ADAM28: variants seen among roughly 807,000 people sequenced by gnomAD.
ADAM28 encodes disintegrin and metalloproteinase domain-containing protein 28.
A neutral mutation model predicts 101.2 loss-of-function variants in ADAM28; 105 were observed. The ratio of observed to expected loss-of-function variants is 1.04; its 90% CI spans 0.89 to 1.22. The LOEUF (loss-of-function observed/expected upper bound fraction) is 1.22. ADAM28 is among the 50% of genes most tolerant of loss of function. The probability of loss-of-function intolerance (pLI) is 0.00; values close to 1 mark genes in which losing one functional copy is unlikely to be tolerated. For missense variants in ADAM28, 1,028 were observed against 945.4 expected (o/e 1.09, Z -1.15); for synonymous variants, 322 against 310.6 (o/e 1.04, Z -0.39).
intron 19 of ADAM28, 105 bp downstream of exon 19, chr8:24,350,077 T>TAATA (rs1815895960): frequency 1.0e-6 from 1 of 999,584 alleles, no homozygotes; most frequent in African/African-American, 1.6e-5. Context: ...GGTTTACTTC[T>TAATA]AATATTCAGA....
chr8:24,354,539 G>T lies in ADAM28; in HGVS notation c.*135G>T. 9.0e-7 allele frequency: 1 copy of T among 1,108,514 alleles called. No individual in the cohort carries two copies. The highest frequency in any genetic ancestry group is 1.6e-5 in the African/African-American group (1 of 61,198). The allele number at this position is 1,108,514 out of a possible 1,614,324, so 68.7% of individuals were successfully genotyped here. On this transcript the variant is annotated 3_prime_UTR_variant, in exon 23 of 23. Transcript: ENST00000265769. ...AGAAGGTTAACATTTTCTGATTCAT[G>T]TTAGACTTTGAAGAGACTAAAGAAA...
intron 1 of ADAM28, among the ~76,000 whole-genome samples, chr8:24,295,252 G>A (rs1316260599): frequency 6.6e-6 from 1 of 151,954 alleles, no homozygotes; most frequent in African/African-American, 2.4e-5. Flanking sequence ...TATATAATAT[G>A]TACCTATATC....
chr8:24,323,854 T>G lies in ADAM28; in HGVS notation c.741T>G (p.Thr247=). 6.2e-7 allele frequency: 1 copy of G among 1,611,600 alleles called. No individual in the cohort carries two copies. The highest frequency in any genetic ancestry group is 1.1e-5 in the South Asian group (1 of 90,960). ...YVNMLYKKLN[T]HVALVGMEIW... is the part of the protein sequence containing the mutation. ...GACAGCTTTATAAAAAGCTCAATAC[T>G]CATGTGGCCTTAGTTGGTATGGAAA... The change falls in exon 9 of 23, where the codon ACT becomes ACG. Residue 247 remains threonine (T), a synonymous_variant. Transcript: ENST00000265769.
At chr8:24,300,325 C>A (rs866817542) in intron 2 of ADAM28, among the ~76,000 whole-genome samples, 1 of 152,140 alleles carries the variant, frequency 6.6e-6, no homozygotes, top group Non-Finnish European at 1.5e-5. Flanking sequence ...TTCACTATAA[C>A]CCAAAGTTAT....
At chr8:24,324,934 G>A (rs1305145439) in intron 9 of ADAM28, 1 of 151,898 alleles carries the variant, frequency 6.6e-6, no homozygotes. Flanking sequence ...AAGTCACAGG[G>A]TGTCACTACT....
intron 6 of ADAM28, among the ~76,000 whole-genome samples, chr8:24,314,650 A>G (rs1810912554): frequency 6.6e-6 from 1 of 152,032 alleles, no homozygotes; most frequent in African/African-American, 2.4e-5. Context: ...TGTATAGTCA[A>G]ACCCAGAATA....
intron 6 of ADAM28, among the ~76,000 whole-genome samples, chr8:24,319,640 T>A (rs1241717729): frequency 6.6e-6 from 1 of 151,940 alleles, no homozygotes; most frequent in East Asian, 1.9e-4. Context: ...GAATAATCTG[T>A]TGGTCCCTTT....
chr8:24,308,552 C>T (rs1810012344), intron 2 of ADAM28: 1 of 450,486 alleles, frequency 2.2e-6, no homozygotes, highest in Non-Finnish European at 4.5e-6. Flanking sequence ...CTCATGGCTT[C>T]ATTCTAGCTA....
At position 24,356,122 on chromosome 8, in the gene ADAM28, T is replaced by G. The variant is rs1044413781; in HGVS notation, c.*1718T>G. 16 of 152,200 alleles carry G rather than the reference T, an allele frequency of 1.1e-4. No individual in the cohort carries two copies. Among genetic ancestry groups the G allele is most frequent in the African/African-American group, 3.9e-4 (16 of 41,458 alleles). The allele number at this position is 152,200 out of a possible 1,614,324, so 9.4% of individuals were successfully genotyped here. ...AATCACTGTCAAGGATACAGGCTTT[T>G]TCTCCATGTGGCATTTGCAGAAGAA... On this transcript the variant is annotated 3_prime_UTR_variant, in exon 23 of 23. Coordinates refer to ENST00000265769, the MANE Select transcript of ADAM28 (RefSeq NM_014265.6).
rs1469735518 is a variant in ADAM28, at chr8:24,358,569, G to A, written c.*4165G>A. 6.6e-6 allele frequency: 1 copy of A among 152,160 alleles called. No individual in the cohort carries two copies. Among genetic ancestry groups the A allele is most frequent in the African/African-American group, 2.4e-5 (1 of 41,432 alleles). The allele number at this position is 152,160 out of a possible 1,614,324, so 9.4% of individuals were successfully genotyped here. On this transcript the variant is annotated 3_prime_UTR_variant, in exon 23 of 23. Coordinates refer to ENST00000265769, the MANE Select transcript of ADAM28 (RefSeq NM_014265.6). The stretch of plus-strand genomic sequence containing the variant: ...CACCTCTAACAAAATCTGTAGCCAC[G>A]TTGGCACATCTGCCCTTGAATTCAC...
Position 24,357,087 on chromosome 8 carries a change from A to C in ADAM28, c.*2683A>C, listed in dbSNP as rs1450536898. 6.6e-6 allele frequency: 1 copy of C among 151,262 alleles called. No homozygotes were observed. The highest frequency in any genetic ancestry group is 2.4e-5 in the African/African-American group (1 of 41,120). 9.4% of individuals were successfully genotyped at this position (151,262 alleles called of 1,614,324 possible). ...GAGCCCCTGAGTTCAACGACCCTCAAATGAAGTGAAGTCTACCAATAACCA... is the reference window on the plus strand; with the variant it reads ...GAGCCCCTGAGTTCAACGACCCTCACATGAAGTGAAGTCTACCAATAACCA... On this transcript the variant is annotated 3_prime_UTR_variant, in exon 23 of 23. Transcript: ENST00000265769.
chr8:24,323,839 TA>T lies in ADAM28; in HGVS notation c.731del (p.Lys244SerfsTer8). On this transcript the variant is annotated frameshift_variant, in exon 9 of 23. Transcript: ENST00000265769. LOFTEE classifies it high-confidence loss of function. ...CATTTATTTTCTTTGGACAGCTTTA[TA>T]AAAAGCTCAATACTCATGTGGCCTT... ...EMANYVNMLY[K>X]KLNTHVALVG... 6.2e-7 allele frequency: 1 copy of T among 1,607,696 alleles called. No individual in the cohort carries two copies. The highest frequency in any genetic ancestry group is 8.5e-7 in the Non-Finnish European group (1 of 1,176,738).
At chr8:24,325,883 A>AAAAAAAAAAAAAAAAAC (rs1812508424) in intron 9 of ADAM28, among the ~76,000 whole-genome samples, 2 of 114,672 alleles carry the variant, frequency 1.7e-5, no homozygotes, top group Non-Finnish European at 4.0e-5. Context: ...AAAAAAAAAA[A>AAAAAAAAAAAAAAAAAC]AAAAAAAAAA....
chr8:24,310,204 C>T lies in ADAM28; in HGVS notation c.269C>T (p.Ser90Phe). Residue 90 changes from serine (S) to phenylalanine (F), a missense_variant, in exon 4 of 23, where the codon TCC (serine) becomes TTC (phenylalanine). Transcript: ENST00000265769. ...APGYTETYYN[S>F]TGKEITTSPQ... ...GGCTACACGGAAACATATTATAATT[C>T]CACTGGAAAGGAGATCACCACAAGC... is the stretch of plus-strand genomic sequence containing the variant. The T allele has an allele frequency of 6.2e-7, 1 of 1,613,394 alleles. No individual in the cohort carries two copies. Among genetic ancestry groups the T allele is most frequent in the Non-Finnish European group, 8.5e-7 (1 of 1,179,614 alleles).
chr8:24,320,253 G>A lies in ADAM28; in HGVS notation c.594G>A (p.Lys198=), dbSNP rs766844215. Residue 198 remains lysine (K), a synonymous_variant, in exon 7 of 23, where the codon AAG becomes AAA. Transcript: ENST00000265769. The stretch of plus-strand genomic sequence containing the variant: ...TATTTCAGAAATTGAAAGACAGGAA[G>A]GTTCAGGAACATGAGAAATACATAG... ...ATKLVKLKDR[K]VQEHEKYIEY... 3 of 1,599,262 alleles carry A rather than the reference G, an allele frequency of 1.9e-6. No individual in the cohort carries two copies. The highest frequency in any genetic ancestry group is 1.7e-6 in the Non-Finnish European group (2 of 1,169,084).
rs755509932 is a variant in ADAM28, at chr8:24,335,553, T to C, written c.1479T>C (p.Asn493=). ...GTCCTGATGATAGATTCCAAGTCAA[T>C]GGCTTCCCTTGCCATCACGGGAAGG... ...GNCPDDRFQV[N]GFPCHHGKGH... The change falls in exon 14 of 23, where the codon AAT becomes AAC. Residue 493 remains asparagine (N), a synonymous_variant. Transcript: ENST00000265769. The C allele has an allele frequency of 2.5e-6, 4 of 1,614,064 alleles. No homozygotes were observed. The highest frequency in any genetic ancestry group is 3.4e-6 in the Non-Finnish European group (4 of 1,179,966).
chr8:24,306,359 A>ATATATATATATATATGTAT (rs1809635254), intron 2 of ADAM28, among the ~76,000 whole-genome samples: 1 of 105,920 alleles, frequency 9.4e-6, no homozygotes, highest in Non-Finnish European at 1.9e-5. Flanking sequence ...CAAATAAATA[A>ATATATATATATATATGTAT]ATAAATATAT....
chr8:24,296,178 G>A (rs939661787), intron 1 of ADAM28: 5 of 152,052 alleles, frequency 3.3e-5, no homozygotes, highest in African/African-American at 1.2e-4. Flanking sequence ...ATACTCAGGG[G>A]GTACAGCACT....
At position 24,341,731 on chromosome 8, in the gene ADAM28, A is replaced by C. The variant is rs1814792679; in HGVS notation, c.1804A>C (p.Asn602His). The C allele has an allele frequency of 6.2e-7, 1 of 1,613,834 alleles. No homozygotes were observed. The highest frequency in any genetic ancestry group is 8.5e-7 in the Non-Finnish European group (1 of 1,179,784). Residue 602 changes from asparagine to histidine, a missense_variant, in exon 16 of 23, where the codon AAT (asparagine) becomes CAT (histidine). Asn to His is a moderately conservative substitution (Grantham distance 68). Coordinates refer to ENST00000265769, the MANE Select transcript of ADAM28 (RefSeq NM_014265.6). ...AAGTCAAGAAATAGGCATGGTGGCC[A>C]ATGGAACTAAGTGTGGCGATAACAA... The part of the protein sequence containing the change: ...DTSQEIGMVA[N>H]GTKCGDNKVC...
Sources: allele counts gnomAD v4.1 joint callset (sites outside exome capture counted in the v4.1 genomes callset), GRCh38; gene constraint gnomAD v4.1.1; transcripts MANE v1.5; gene names NCBI Gene and HGNC (gene_info 2026-07-23, HGNC 2026-07-21).